The following SRSF1 variants were observed in gnomAD, a reference collection of about 807,000 sequenced individuals.
SRSF1 encodes serine/arginine-rich splicing factor 1.
Under a neutral mutation model 25.9 loss-of-function variants are expected in SRSF1, and 1 was observed. That is an observed-to-expected ratio of 0.04 (90% CI 0.01 to 0.18). The LOEUF (loss-of-function observed/expected upper bound fraction) is 0.18. Among genes scored for constraint, SRSF1 ranks in the 10% least tolerant of loss-of-function variants. The pLI is 1.00. For synonymous variants in SRSF1, 132 were observed against 126.2 expected (o/e 1.05, Z -0.31); for missense variants, 65 against 350.5 (o/e 0.19, Z 6.50).
chr17:57,996,669 T>C (rs2075366743), downstream of SRSF1, among the ~76,000 whole-genome samples: 1 of 151,934 alleles, frequency 6.6e-6, no homozygotes. Flanking sequence ...GCTTCAGTCA[T>C]TAGGTGTGAT....
At chr17:57,998,836 T>C (rs1013457160), downstream of SRSF1, among the ~76,000 whole-genome samples, 2 of 152,208 alleles carry the variant, frequency 1.3e-5, no homozygotes, top group Non-Finnish European at 2.9e-5. Flanking sequence ...ACAGACTGAT[T>C]TTCTAAAATT....
chr17:58,006,781 C>A, intron 1 of SRSF1, 163 bp downstream of exon 1: 1 of 972,200 alleles, frequency 1.0e-6, no homozygotes, highest in Non-Finnish European at 1.5e-6. Context: ...GCCAGAGAAG[C>A]CACATCAACT....
At chr17:57,995,005 G>A in the SRSF1 span, among the ~76,000 whole-genome samples, 2 of 152,212 alleles carry the variant, frequency 1.3e-5, no homozygotes, top group African/African-American at 2.4e-5. Context: ...TGCGTAACGA[G>A]CACTGGGAAA....
At chr17:58,006,845 A>C in intron 1 of SRSF1, 99 bp downstream of exon 1, 1 of 1,421,830 alleles carries the variant, frequency 7.0e-7, no homozygotes, top group Non-Finnish European at 9.7e-7. Flanking sequence ...CAACCTCTCT[A>C]AGAGCCCCCG....
the SRSF1 span, chr17:57,989,779 A>G: frequency 2.5e-6 from 1 of 398,676 alleles, no homozygotes; most frequent in Non-Finnish European, 4.4e-6. Context: ...CAGGTAACAC[A>G]TCAGGGAACC....
the SRSF1 span, among the ~76,000 whole-genome samples, chr17:57,995,463 G>T: frequency 1.3e-5 from 2 of 152,200 alleles, no homozygotes; most frequent in Non-Finnish European, 2.9e-5. Context: ...AGCTGGCTGT[G>T]CACTGCACAC....
Position 58,006,930 on chromosome 17 carries a change from C to A in SRSF1, c.194+14G>T. On this transcript the variant is annotated intron_variant, in intron 1 of 3. Coordinates refer to ENST00000258962, the MANE Select transcript of SRSF1 (RefSeq NM_006924.5). ...ACCTATTTCCTCAAGGCTGCAAGCC[C>A]CATGCCGCCTCACCGCGGGTCCTCG... is the stretch of plus-strand genomic sequence containing the variant. The A allele has an allele frequency of 6.2e-7, 1 of 1,613,816 alleles. No homozygotes were observed.
At chr17:57,999,890 TA>T (rs1567746572), downstream of SRSF1, among the ~76,000 whole-genome samples, 1 of 152,150 alleles carries the variant, frequency 6.6e-6, no homozygotes, top group Non-Finnish European at 1.5e-5. Context: ...AGTTGGCACT[TA>T]TAAGTTGTCT....
At chr17:58,000,087 T>A (rs1248803117), downstream of SRSF1, among the ~76,000 whole-genome samples, 1 of 152,000 alleles carries the variant, frequency 6.6e-6, no homozygotes, top group Non-Finnish European at 1.5e-5. Context: ...CTAAATTAAC[T>A]TCTATATGAC....
chr17:57,993,887 G>C, the SRSF1 span: 2 of 152,110 alleles, frequency 1.3e-5, no homozygotes, highest in African/African-American at 2.4e-5. Context: ...CTGTTTCCTC[G>C]TATTTCTGCA....
rs987648999 is a variant in SRSF1 at position 58,001,896 on chromosome 17, T to C, written c.*3510A>G. 6.6e-6 allele frequency among the ~76,000 whole-genome samples: 1 copy of C among 152,218 alleles called. No individual in the cohort carries two copies. The highest frequency in any genetic ancestry group is 6.5e-5 in the Admixed American group (1 of 15,278). ...TGTATAACAAGGAATACTGTCTCAT[T>C]TCAATGTGAGGTTAGAATTACTATA... On this transcript the variant is annotated 3_prime_UTR_variant, in exon 4 of 4. Coordinates refer to ENST00000258962, the MANE Select transcript of SRSF1 (RefSeq NM_006924.5).
rs2075405296 is a variant in SRSF1, at chr17:58,003,293, T to C, written c.*2113A>G. Reference sequence around the variant, plus strand: ...CCAAGTTACATACACAAATGCCTTATTCTCCCCTTTTGCTTTCCCCTGAAG... The same window carrying C: ...CCAAGTTACATACACAAATGCCTTACTCTCCCCTTTTGCTTTCCCCTGAAG... On this transcript the variant is annotated 3_prime_UTR_variant, in exon 4 of 4. Transcript: ENST00000258962. 6.6e-6 allele frequency: 1 copy of C among 152,224 alleles called. No individual in the cohort carries two copies. Among genetic ancestry groups the C allele is most frequent in the African/African-American group, 2.4e-5 (1 of 41,462 alleles). The allele number at this position is 152,224 out of a possible 1,614,324, so 9.4% of individuals were successfully genotyped here.
chr17:57,998,221 CA>C (rs913442492), downstream of SRSF1, among the ~76,000 whole-genome samples: 52 of 151,670 alleles, frequency 3.4e-4, no homozygotes, highest in Admixed American at 1.5e-3. Flanking sequence ...AAAACAAAGA[CA>C]AAAAAAATGT....
chr17:57,999,272 A>G (rs1022389564), downstream of SRSF1, among the ~76,000 whole-genome samples: 3 of 152,164 alleles, frequency 2.0e-5, no homozygotes, highest in Non-Finnish European at 4.4e-5. Context: ...AAGCATATTC[A>G]TTTCTTCTAG....
chr17:57,996,441 G>A (rs1033597484), downstream of SRSF1, among the ~76,000 whole-genome samples: 5 of 131,218 alleles, frequency 3.8e-5, no homozygotes, highest in Admixed American at 8.9e-5. Context: ...CCGAGACTGC[G>A]CCACTGCACT....
intron 2 of SRSF1, 184 bp from the exon 3 acceptor site, chr17:58,006,157 T>C (rs1403156393): frequency 8.4e-6 from 8 of 953,088 alleles, no homozygotes; most frequent in African/African-American, 6.6e-5. Flanking sequence ...GATCTTCGTA[T>C]CTAGTACCGC....
At chr17:57,993,682 AATT>A in the SRSF1 span, 1 of 152,222 alleles carries the variant, frequency 6.6e-6, no homozygotes, top group Non-Finnish European at 1.5e-5. Flanking sequence ...CCTGATGAAC[AATT>A]ATTAAGGTAC....
At position 58,006,400 on chromosome 17, in the gene SRSF1, G is replaced by T. The variant is rs1567749117; in HGVS notation, c.322C>A (p.Pro108Thr). ...GGGGGGGGGA[P>T]RGRYGPPSRR... ...GATGGGGGGCCATAGCGACCTCGGGGAGCTCCGCCACCTCCACCCCCGCCG... is the reference window on the plus strand; with the variant it reads ...GATGGGGGGCCATAGCGACCTCGGGTAGCTCCGCCACCTCCACCCCCGCCG... The change falls in exon 2 of 4, where the codon CCC becomes ACC. Residue 108 changes from proline (P) to threonine (T), a missense_variant. Transcript: ENST00000258962. 6.2e-7 allele frequency: 1 copy of T among 1,612,958 alleles called. No homozygotes were observed. The highest frequency in any genetic ancestry group is 8.5e-7 in the Non-Finnish European group (1 of 1,180,030).
chr17:57,998,333 C>T (rs143227374), downstream of SRSF1, among the ~76,000 whole-genome samples: 17 of 152,186 alleles, frequency 1.1e-4, 1 homozygote, highest in East Asian at 2.3e-3. Context: ...AAGGTTATAC[C>T]TTCCCTTTTG....
Sources: gnomAD v4.1 joint callset for allele counts (sites outside exome capture counted in the v4.1 genomes callset) on GRCh38, gnomAD v4.1.1 for gene constraint, MANE v1.5 for transcripts, NCBI Gene and HGNC (gene_info 2026-07-23, HGNC 2026-07-21) for gene names.